PFKFB2: variants seen among roughly 807,000 people sequenced by gnomAD.
The protein encoded by PFKFB2 is 6-phosphofructo-2-kinase/fructose-2,6-bisphosphatase 2.
Under a neutral mutation model 68.0 loss-of-function variants are expected in PFKFB2, and 53 were observed. That is an observed-to-expected ratio of 0.78 (90% CI 0.63 to 0.98). PFKFB2 has a LOEUF of 0.98. PFKFB2 is among the 50% of genes least tolerant of loss of function. PFKFB2 has a pLI of 0.00. For missense variants in PFKFB2, 451 were observed against 642.0 expected, an observed-to-expected ratio of 0.70 and a Z score of 3.22; for synonymous variants, 222 against 227.6, an observed-to-expected ratio of 0.98 and a Z score of 0.22.
In PFKFB2 at chr1:207,063,873, C is replaced by T; in HGVS notation, c.507+44C>T. The T allele has an allele frequency of 8.9e-7, 1 of 1,124,460 alleles. No homozygotes were observed. The highest frequency in any genetic ancestry group is 1.3e-6 in the Non-Finnish European group (1 of 760,220). 69.7% of individuals were successfully genotyped at this position (1,124,460 alleles called of 1,614,324 possible). A position where few individuals can be genotyped will look rare whatever the true frequency, so the allele number is the denominator to read the frequency against. ...TATCATCTCCTCTTCACCTTTTGTG[C>T]TGTGTGTGTTGTGGGGTGTGTGTGT... is the stretch of plus-strand genomic sequence containing the variant. On this transcript the variant is annotated intron_variant, in intron 7 of 14. Coordinates refer to ENST00000367080, the MANE Select transcript of PFKFB2 (RefSeq NM_006212.2). The surrounding 1 kb of genome is among the most constrained non-coding windows in gnomAD (Gnocchi z 4.1).
upstream of PFKFB2, chr1:207,050,643 T>G (rs781226061): frequency 3.1e-6 from 5 of 1,604,536 alleles, no homozygotes; most frequent in South Asian, 3.3e-5. Context: ...CACGCCCCTC[T>G]CCATCCTCCC....
downstream of PFKFB2, chr1:207,078,971 G>A (rs754557301): frequency 1.2e-6 from 2 of 1,612,402 alleles, no homozygotes; most frequent in East Asian, 2.2e-5. Context: ...AGACCACACT[G>A]GCTGTGCGCA....
At chr1:207,050,988 C>A (rs1682734382), upstream of PFKFB2, 3 of 1,532,372 alleles carry the variant, frequency 2.0e-6, no homozygotes, top group Non-Finnish European at 2.6e-6. Context: ...AAACCAGGCG[C>A]CGGGTGGACT....
chr1:207,050,573 C>A, upstream of PFKFB2: 1 of 1,403,820 alleles, frequency 7.1e-7, no homozygotes. Context: ...TCGCCCCTGG[C>A]CTCAAAGCCC....
In PFKFB2 at chr1:207,072,671, CT is replaced by C; in HGVS notation, c.*301del. On this transcript the variant is annotated 3_prime_UTR_variant, in exon 15 of 15. Coordinates refer to ENST00000367080, the MANE Select transcript of PFKFB2 (RefSeq NM_006212.2). ...AGGAAAAAGATACACTCCCTTGGGG[CT>C]GAGCATGCCCCACACTCTTGGATCT... 1 of 1,136,794 alleles carries C rather than the reference CT, an allele frequency of 8.8e-7. No homozygotes were observed. The highest frequency in any genetic ancestry group is 1.1e-6 in the Non-Finnish European group (1 of 924,954). 70.4% of individuals were successfully genotyped at this position (1,136,794 alleles called of 1,614,324 possible).
chr1:207,043,472 T>A (rs1682519538), intron 2 of PFKFB2, among the ~76,000 whole-genome samples: 2 of 152,206 alleles, frequency 1.3e-5, no homozygotes, highest in Admixed American at 1.3e-4. Flanking sequence ...AATGTTGACA[T>A]TGCCAAAGAT....
At position 207,074,269 on chromosome 1, in the gene PFKFB2, T is replaced by C. The variant is rs1432073855; in HGVS notation, c.*1898T>C. On this transcript the variant is annotated 3_prime_UTR_variant, in exon 15 of 15. Coordinates refer to ENST00000367080, the MANE Select transcript of PFKFB2 (RefSeq NM_006212.2). ...ATTCCTCATAGTCCTGAAAGGACAG[T>C]TCTTTGGGTTTGATGTTTGAGCAGA... The C allele has an allele frequency of 1.0e-6, 1 of 985,192 alleles. No homozygotes were observed. 61.0% of individuals were successfully genotyped at this position (985,192 alleles called of 1,614,324 possible).
chr1:207,052,394 G>A, upstream of PFKFB2: 1 of 594,496 alleles, frequency 1.7e-6, no homozygotes, highest in African/African-American at 1.9e-5. Flanking sequence ...GGGCGCAGTG[G>A]CTCACACCTG....
At chr1:207,080,328 G>A (rs540862503), downstream of PFKFB2, 1 of 152,336 alleles carries the variant, frequency 6.6e-6, no homozygotes, top group Admixed American at 6.5e-5. Context: ...AGCAAGAAAA[G>A]TAATGATATG....
intron 2 of PFKFB2, among the ~76,000 whole-genome samples, chr1:207,061,342 T>G (rs1683112010): frequency 6.6e-6 from 1 of 150,976 alleles, no homozygotes; most frequent in Admixed American, 6.6e-5. Flanking sequence ...GGTTATTTTC[T>G]TTCTTAGCCT....
In PFKFB2 at chr1:207,068,265, G is replaced by C. The variant is rs1193398341; in HGVS notation, c.943G>C (p.Gly315Arg). 3.1e-6 allele frequency: 5 copies of C among 1,610,582 alleles called. No homozygotes were observed. The highest frequency in any genetic ancestry group is 4.2e-6 in the Non-Finnish European group (5 of 1,178,184). Reference sequence around the variant, plus strand: ...GACCATACAGACTGCTGAATCTCTCGGGGTGCCCTATGAGCAGTGGAAGAT... The same window carrying C: ...GACCATACAGACTGCTGAATCTCTCCGGGTGCCCTATGAGCAGTGGAAGAT... ...KRTIQTAESLGVPYEQWKILN... is the reference protein window; with the variant it reads ...KRTIQTAESLRVPYEQWKILN... Residue 315 changes from glycine to arginine, a missense_variant, in exon 10 of 15, where the codon GGG (glycine) becomes CGG (arginine). Gly to Arg is a moderately radical substitution (Grantham distance 125). Coordinates refer to ENST00000367080, the MANE Select transcript of PFKFB2 (RefSeq NM_006212.2).
rs1683667463 is a variant in PFKFB2, at chr1:207,077,667, T to C, written c.*5296T>C. On this transcript the variant is annotated 3_prime_UTR_variant, in exon 15 of 15. Transcript: ENST00000367080. ...TGCTCTGTTGAAATAGGAACATAAG[T>C]CTTTAGCAACATTCTGATTTAATCG... 1 of 985,632 alleles carries C rather than the reference T, an allele frequency of 1.0e-6. No homozygotes were observed. Among genetic ancestry groups the C allele is most frequent in the Non-Finnish European group, 1.2e-6 (1 of 829,870 alleles). 61.1% of individuals were successfully genotyped at this position (985,632 alleles called of 1,614,324 possible).
intron 14 of PFKFB2, 74 bp downstream of exon 14, chr1:207,071,647 C>CCCCAGTCTCTTGA: frequency 9.2e-7 from 1 of 1,085,316 alleles, no homozygotes; most frequent in Non-Finnish European, 1.4e-6. Flanking sequence ...CATCAAGAGA[C>CCCCAGTCTCTTGA]TGGGGTTTCT....
At chr1:207,039,642 T>TA (rs201813927) in intron 1 of PFKFB2, among the ~76,000 whole-genome samples, 28 of 151,848 alleles carry the variant, frequency 1.8e-4, no homozygotes, top group South Asian at 6.2e-4. Flanking sequence ...TTACATGTTT[T>TA]AAAAAAAAAC....
intron 1 of PFKFB2, among the ~76,000 whole-genome samples, chr1:207,037,961 C>T (rs892863178): frequency 3.3e-5 from 5 of 152,066 alleles, no homozygotes; most frequent in Admixed American, 1.3e-4. Context: ...TCAGTAAATG[C>T]TAACTATGAT....
Position 207,063,890 on chromosome 1 carries a change from T to G in PFKFB2, c.507+61T>G, listed in dbSNP as rs72741388. 13,612 of 189,612 alleles carry G rather than the reference T, an allele frequency of 0.072. 129 individuals are homozygous for G. Among genetic ancestry groups the G allele is most frequent in the Non-Finnish European group, 0.1 (10,954 of 105,746 alleles). 11.7% of individuals were successfully genotyped at this position (189,612 alleles called of 1,614,324 possible). ...CTTTTGTGCTGTGTGTGTTGTGGGG[T>G]GTGTGTGTGTGTGTGTGTGTGTGTG... On this transcript the variant is annotated intron_variant, in intron 7 of 14. Transcript: ENST00000367080. The surrounding 1 kb of genome is among the most constrained non-coding windows in gnomAD (Gnocchi z 4.1).
At chr1:207,042,446 G>A (rs1352921636) in intron 2 of PFKFB2, among the ~76,000 whole-genome samples, 7 of 149,674 alleles carry the variant, frequency 4.7e-5, no homozygotes, top group African/African-American at 1.7e-4. Flanking sequence ...TACTTGGGAG[G>A]CTGAGGCCAG....
At chr1:207,067,473 A>T (rs1683325481) in intron 8 of PFKFB2, 26 bp from the exon 9 acceptor site, 8 of 1,460,610 alleles carry the variant, frequency 5.5e-6, no homozygotes, top group African/African-American at 2.8e-5. Flanking sequence ...TACCTAGGGA[A>T]TTTTTTTTTT....
chr1:207,055,944 A>G (rs1682908095), intron 2 of PFKFB2, among the ~76,000 whole-genome samples: 1 of 152,242 alleles, frequency 6.6e-6, no homozygotes, highest in Non-Finnish European at 1.5e-5. Context: ...TGCTAAGGGC[A>G]GAATACCCCA....
Sources: allele counts gnomAD v4.1 joint callset (sites outside exome capture counted in the v4.1 genomes callset), GRCh38; gene constraint gnomAD v4.1.1; non-coding constraint Gnocchi (gnomAD v3.1); transcripts MANE v1.5; gene names NCBI Gene and HGNC (gene_info 2026-07-23, HGNC 2026-07-21).